The following PGD variants were observed in gnomAD, a reference collection of about 807,000 sequenced individuals.
PGD encodes phosphogluconate dehydrogenase, also known as 6-phosphogluconate dehydrogenase, decarboxylating.
PGD carries 21 observed loss-of-function variants against 60.4 expected under a neutral mutation model. That is an observed-to-expected ratio of 0.35 (90% confidence interval 0.25 to 0.50). PGD has a LOEUF of 0.50. Ranked by LOEUF, PGD falls within the 20% of genes least tolerant of loss-of-function variation. The pLI is 0.98. For missense variants in PGD, 477 were observed against 613.1 expected, an observed-to-expected ratio of 0.78 and a Z score of 2.34; for synonymous variants, 230 against 235.9, an observed-to-expected ratio of 0.97 and a Z score of 0.23.
chr1:10,402,520 C>CA (rs1027753140), intron 3 of PGD, among the ~76,000 whole-genome samples: 11 of 150,650 alleles, frequency 7.3e-5, no homozygotes, highest in Admixed American at 6.6e-4. Context: ...GACTCCATCT[C>CA]AAAAAAAATT....
intron 7 of PGD, among the ~76,000 whole-genome samples, chr1:10,412,531 T>C (rs959486951): frequency 6.6e-6 from 1 of 152,240 alleles, no homozygotes; most frequent in Non-Finnish European, 1.5e-5. Context: ...AGTGCTATTC[T>C]TTTTGTGTTC....
At chr1:10,406,439 G>A (rs1332551501) in intron 5 of PGD, among the ~76,000 whole-genome samples, 1 of 152,164 alleles carries the variant, frequency 6.6e-6, no homozygotes, top group Non-Finnish European at 1.5e-5. Flanking sequence ...TGCACAGTGA[G>A]CAGTTAGAAA....
At chr1:10,418,966 C>A in intron 11 of PGD, 41 bp downstream of exon 11, 1 of 1,080,948 alleles carries the variant, frequency 9.3e-7, no homozygotes, top group Non-Finnish European at 1.4e-6. Flanking sequence ...CTCTACCTCC[C>A]TGGGGCCATC....
In PGD at chr1:10,411,464, G is replaced by A; in HGVS notation, c.566G>A (p.Gly189Glu). ...CACTTCGTGAAGATGGTGCACAACG[G>A]GATAGAGTATGGGGACATGCAGCTG... ...AGHFVKMVHNGIEYGDMQLIC... is the reference protein window; with the variant it reads ...AGHFVKMVHNEIEYGDMQLIC... Residue 189 changes from glycine (G) to glutamate (E), a missense_variant, in exon 7 of 13, where the codon GGG (glycine) becomes GAG (glutamate). Gly to Glu is a moderately conservative substitution (Grantham distance 98). Transcript: ENST00000270776. 4 of 1,614,098 alleles carry A rather than the reference G, an allele frequency of 2.5e-6. No homozygotes were observed. Among genetic ancestry groups the A allele is most frequent in the Non-Finnish European group, 3.4e-6 (4 of 1,180,016 alleles).
chr1:10,406,320 T>G (rs1471707565), intron 5 of PGD, among the ~76,000 whole-genome samples: 1 of 150,992 alleles, frequency 6.6e-6, no homozygotes, highest in Admixed American at 6.6e-5. Context: ...GAGACTGAGG[T>G]GAGAGAACTG....
chr1:10,411,534 G>A lies in PGD; in HGVS notation c.636G>A (p.Ala212=), dbSNP rs771042361. The stretch of plus-strand genomic sequence containing the variant: ...TGATGAAAGACGTGCTGGGCATGGC[G>A]CAGGACGAGATGGCCCAGGTGAGGC... ...YHLMKDVLGM[A]QDEMAQAFED... Residue 212 remains alanine, a synonymous_variant, in exon 7 of 13, where the codon GCG becomes GCA. Transcript: ENST00000270776. 5.0e-6 allele frequency: 8 copies of A among 1,613,952 alleles called. No individual in the cohort carries two copies. Among genetic ancestry groups the A allele is most frequent in the Admixed American group, 3.3e-5 (2 of 60,020 alleles).
chr1:10,408,946 G>T (rs970088641), intron 6 of PGD, among the ~76,000 whole-genome samples: 1 of 152,028 alleles, frequency 6.6e-6, no homozygotes, highest in Non-Finnish European at 1.5e-5. Context: ...ATCTCATATT[G>T]TAGTTCAGCC....
At chr1:10,402,543 G>T (rs1219273168) in intron 3 of PGD, among the ~76,000 whole-genome samples, 1 of 150,644 alleles carries the variant, frequency 6.6e-6, no homozygotes, top group Non-Finnish European at 1.5e-5. Context: ...TTTTTTTTGA[G>T]ACGGGGTCTC....
At chr1:10,411,177 C>G (rs979605038) in intron 6 of PGD, among the ~76,000 whole-genome samples, 4 of 152,008 alleles carry the variant, frequency 2.6e-5, no homozygotes, top group Non-Finnish European at 5.9e-5. Context: ...AATTCAGGGA[C>G]TTTGAGAAAC....
In PGD at chr1:10,419,613, A is replaced by G; in HGVS notation, c.1333-17A>G. Reference sequence around the variant, plus strand: ...CGCCATGGACTGTCCTGACCAACCTACTCTCTCGTTTCCTAGGCTCAGCGG... The same window carrying G: ...CGCCATGGACTGTCCTGACCAACCTGCTCTCTCGTTTCCTAGGCTCAGCGG... On this transcript the variant is annotated splice_polypyrimidine_tract_variant and intron_variant, in intron 12 of 12. Transcript: ENST00000270776. The G allele has an allele frequency of 6.2e-7, 1 of 1,613,756 alleles. No homozygotes were observed. The highest frequency in any genetic ancestry group is 1.1e-5 in the South Asian group (1 of 91,062).
chr1:10,417,932 G>A (rs188866930), intron 10 of PGD, among the ~76,000 whole-genome samples: 19 of 152,236 alleles, frequency 1.2e-4, no homozygotes, highest in African/African-American at 4.3e-4. Context: ...GGCTGGTCTC[G>A]AACTCCTTGC....
intron 3 of PGD, among the ~76,000 whole-genome samples, chr1:10,401,016 C>T (rs562597384): frequency 3.9e-5 from 6 of 152,116 alleles, no homozygotes; most frequent in Admixed American, 3.3e-4. Context: ...ACCAGCCTGG[C>T]CAACATGGTG....
At chr1:10,412,638 A>G (rs1012137931) in intron 7 of PGD, among the ~76,000 whole-genome samples, 2 of 152,244 alleles carry the variant, frequency 1.3e-5, no homozygotes, top group Non-Finnish European at 2.9e-5. Context: ...CTGGGGATAT[A>G]CTAGTGAAGA....
intron 3 of PGD, among the ~76,000 whole-genome samples, chr1:10,401,744 G>T (rs1249724128): frequency 6.6e-6 from 1 of 152,100 alleles, no homozygotes; most frequent in African/African-American, 2.4e-5. Flanking sequence ...GGCTGGGCGC[G>T]GTGGCTCACG....
At chr1:10,419,004 T>TG in intron 11 of PGD, 79 bp downstream of exon 11, 1 of 878,172 alleles carries the variant, frequency 1.1e-6, no homozygotes, top group South Asian at 1.4e-5. Flanking sequence ...TTTTGTTTTT[T>TG]TTTTTTGGTT....
At chr1:10,415,089 TAA>T (rs34918542) in intron 8 of PGD, among the ~76,000 whole-genome samples, 8 of 142,238 alleles carry the variant, frequency 5.6e-5, no homozygotes, top group African/African-American at 5.2e-5. Flanking sequence ...AGACTCCGCC[TAA>T]AAAAAAAAAA....
intron 9 of PGD, 58 bp downstream of exon 9, chr1:10,417,175 G>A: frequency 6.3e-7 from 1 of 1,599,272 alleles, no homozygotes; most frequent in Non-Finnish European, 8.6e-7. Context: ...AGTGGGGGTG[G>A]GGGTTGTGGT....
intron 2 of PGD, 84 bp downstream of exon 2, chr1:10,399,788 C>T (rs1298606555): frequency 1.7e-6 from 2 of 1,167,224 alleles, no homozygotes; most frequent in South Asian, 2.5e-5. Flanking sequence ...GCTTACGGGT[C>T]TCCTGGCCGT....
In PGD at chr1:10,411,593, G is replaced by A. The variant is rs376562347; in HGVS notation, c.654+41G>A. The stretch of plus-strand genomic sequence containing the variant: ...TGCCTCTGTGTCCGTTCTGCAGGGA[G>A]TGCTCACTTTGCCACAGACACCGAA... On this transcript the variant is annotated intron_variant, in intron 7 of 12. Transcript: ENST00000270776. 1.2e-5 allele frequency: 20 copies of A among 1,612,154 alleles called. No homozygotes were observed. In the African/African-American group the frequency reaches 2.0e-4, roughly 16 times the overall value.
Sources: allele counts gnomAD v4.1 joint callset (sites outside exome capture counted in the v4.1 genomes callset), GRCh38; gene constraint gnomAD v4.1.1; transcripts MANE v1.5; gene names NCBI Gene and HGNC (gene_info 2026-07-23, HGNC 2026-07-21).